Variants in PTPRB observed in about 807,000 individuals in gnomAD.
PTPRB encodes the protein protein tyrosine phosphatase receptor type B, also known as receptor-type tyrosine-protein phosphatase beta.
In PTPRB, 97 loss-of-function variants were observed where a neutral mutation model predicts 238.1. The observed-to-expected ratio is 0.41, with a 90% CI of 0.35 to 0.48. PTPRB has a LOEUF of 0.48. PTPRB is among the 20% of genes least tolerant of loss of function. The pLI, the probability that PTPRB is intolerant of heterozygous loss-of-function variation, is 0.30. For synonymous variants in PTPRB, 970 were observed against 995.4 expected, an observed-to-expected ratio of 0.97 and a Z score of 0.48; for missense variants, 2,292 against 2,681.9, an observed-to-expected ratio of 0.85 and a Z score of 3.21.
Position 70,600,049 on chromosome 12 carries a change from CTTAA to C in PTPRB, c.980-3726_980-3723del, listed in dbSNP as rs907586746. ...TTTATAGCACAAATGATATTTGCTT[CTTAA>C]TTGTTTTTGTGACAGCATGGTCATT... On this transcript the variant is annotated intron_variant, in intron 4 of 33. Transcript: ENST00000334414. 7.3e-5 allele frequency among the ~76,000 whole-genome samples: 11 copies of C among 149,834 alleles called. No homozygotes were observed. The South Asian group carries it at 1.5e-3, about 20-fold the overall frequency.
intron 4 of PTPRB, among the ~76,000 whole-genome samples, chr12:70,600,211 T>C (rs1158863380): frequency 1.3e-5 from 2 of 152,288 alleles, no homozygotes; most frequent in Non-Finnish European, 1.5e-5. Flanking sequence ...CAAAAGCTTT[T>C]CTTAAAGGCA....
At chr12:70,554,168 T>C (rs930030776) in intron 20 of PTPRB, among the ~76,000 whole-genome samples, 1 of 152,230 alleles carries the variant, frequency 6.6e-6, no homozygotes, top group Non-Finnish European at 1.5e-5. Context: ...TACAATTAAA[T>C]AAACTGTGAA....
Position 70,576,567 on chromosome 12 carries a change from G to T in PTPRB, c.2657C>A (p.Pro886His), listed in dbSNP as rs200720766. The change falls in exon 11 of 34, where the codon CCC becomes CAC. Residue 886 changes from proline to histidine, a missense_variant. Around this residue, in one of 4 missense-constraint regions of PTPRB, gnomAD observed 1,205 missense variants for 1,287.8 expected, o/e 0.94. Transcript: ENST00000334414. The part of the protein sequence containing the change: ...DYLSVSWLLA[P>H]GDVDNYEVTL... ...TACCTCATAGTTATCCACATCTCCG[G>T]GCGCCAGCAGCCAGGAAACGCTGAG... is the stretch of plus-strand genomic sequence containing the variant. 83 of 1,551,772 alleles carry T rather than the reference G, an allele frequency of 5.3e-5. No individual in the cohort carries two copies. The African/African-American group carries it at 1.0e-3, about 20-fold the overall frequency.
At position 70,555,219 on chromosome 12, in the gene PTPRB, C is replaced by A. The variant is rs1461011254; in HGVS notation, c.5084G>T (p.Trp1695Leu). The change falls in exon 20 of 34, where the codon TGG becomes TTG. Residue 1695 changes from tryptophan (W) to leucine (L), a missense_variant. By Grantham distance (61) the Trp-to-Leu change is moderately conservative. Around this residue, in one of 4 missense-constraint regions of PTPRB, gnomAD observed 683 missense variants for 862.0 expected, o/e 0.79. Coordinates refer to ENST00000334414, the MANE Select transcript of PTPRB (RefSeq NM_001109754.4). ...SSINFTVNCS[W>L]FSDTNGAVKY... is the part of the protein sequence containing the mutation. ...CACAGCTCCATTGGTGTCGCTGAAC[C>A]AGCTGCAGTTGACAGTAAAGTTGAT... The A allele has an allele frequency of 6.2e-7, 1 of 1,613,766 alleles. No individual in the cohort carries two copies. Among genetic ancestry groups the A allele is most frequent in the African/African-American group, 1.3e-5 (1 of 74,888 alleles).
In PTPRB at chr12:70,576,671, G is replaced by GTGGGGGT. The variant is rs769938566; in HGVS notation, c.2579-27_2579-26insACCCCCA. The GTGGGGGT allele has an allele frequency of 1.1e-4, 26 of 243,886 alleles. 1 individual carries two copies. The highest frequency in any genetic ancestry group is 1.7e-4 in the Non-Finnish European group (22 of 131,072). 15.1% of individuals were successfully genotyped at this position (243,886 alleles called of 1,614,324 possible). A position where few individuals can be genotyped will look rare whatever the true frequency, so the allele number is the denominator to read the frequency against. On this transcript the variant is annotated intron_variant, in intron 10 of 33. Transcript: ENST00000334414. ...CTGTGATTTTGAAAGGTGGGGGGCG[G>GTGGGGGT]GGGGGGGGGGGAAGGGGGATTCAAA... is the stretch of plus-strand genomic sequence containing the variant.
chr12:70,535,294 C>A (rs1873950350), intron 29 of PTPRB, among the ~76,000 whole-genome samples: 1 of 135,884 alleles, frequency 7.4e-6, no homozygotes, highest in African/African-American at 2.7e-5. Context: ...CTGTGGTTCA[C>A]AACGTATTGT....
rs368772614 is a variant in PTPRB at position 70,606,143 on chromosome 12, T to G, written c.979+2926A>C. Among the ~76,000 whole-genome samples the G allele has an allele frequency of 2.1e-3, 316 of 152,290 alleles. 3 individuals carry two copies. The highest frequency in any genetic ancestry group is 3.4e-3 in the Non-Finnish European group (228 of 68,018). On this transcript the variant is annotated intron_variant, in intron 4 of 33. Coordinates refer to ENST00000334414, the MANE Select transcript of PTPRB (RefSeq NM_001109754.4). ...CAGAAAAGATGAGATAAAGCTCTGT[T>G]GCCACTTTCATCATAACCGTCTCTC...
chr12:70,591,471 G>A (rs975141505), intron 7 of PTPRB, among the ~76,000 whole-genome samples: 1 of 152,100 alleles, frequency 6.6e-6, no homozygotes, highest in Non-Finnish European at 1.5e-5. Context: ...TCACAGTTTT[G>A]TTGTGAGAAC....
At chr12:70,545,385 A>T (rs1875806977) in intron 21 of PTPRB, among the ~76,000 whole-genome samples, 1 of 152,196 alleles carries the variant, frequency 6.6e-6, no homozygotes, top group Non-Finnish European at 1.5e-5. Context: ...TCTAAAGATC[A>T]TTTTATCTAA....
In PTPRB at chr12:70,520,260, T is replaced by C. The variant is rs752842244; in HGVS notation, c.*1229A>G. ...CTTTCTGACTCATTGGAATTTGTTA[T>C]AGTCAAAGTAAGTAAGGCACAAATA... On this transcript the variant is annotated 3_prime_UTR_variant, in exon 34 of 34. Coordinates refer to ENST00000334414, the MANE Select transcript of PTPRB (RefSeq NM_001109754.4). The C allele has an allele frequency of 4.3e-6, 2 of 460,906 alleles. No individual in the cohort carries two copies. Among genetic ancestry groups the C allele is most frequent in the East Asian group, 6.5e-5 (1 of 15,440 alleles). The allele number at this position is 460,906 out of a possible 1,614,324, so 28.6% of individuals were successfully genotyped here. A position where few individuals can be genotyped will look rare whatever the true frequency, so the allele number is the denominator to read the frequency against.
At chr12:70,633,572 G>A (rs954411538) in intron 2 of PTPRB, among the ~76,000 whole-genome samples, 1 of 152,176 alleles carries the variant, frequency 6.6e-6, no homozygotes, top group Non-Finnish European at 1.5e-5. Flanking sequence ...ATACTTATGT[G>A]TACTCAAATA....
chr12:70,548,069 G>A (rs1289939859), intron 21 of PTPRB, among the ~76,000 whole-genome samples: 1 of 151,998 alleles, frequency 6.6e-6, no homozygotes, highest in East Asian at 1.9e-4. Context: ...GCTCATGCCT[G>A]TAATTCCAGC....
chr12:70,594,716 G>C lies in PTPRB; in HGVS notation c.1267C>G (p.Pro423Ala), dbSNP rs769301999. Residue 423 changes from proline (P) to alanine (A), a missense_variant, in exon 6 of 34, where the codon CCA becomes GCA. This residue lies in a region of PTPRB where 1,205 missense variants were observed against 1,287.8 expected (regional missense o/e 0.94). Transcript: ENST00000334414. ...VYTNGSTVPSPVKDIGISTKA... is the reference protein window; with the variant it reads ...VYTNGSTVPSAVKDIGISTKA... ...GTGGAAATACCAATATCTTTCACTG[G>C]AGATGGCACTAGTGGGATAAAATGC... 1.2e-6 allele frequency: 2 copies of C among 1,613,786 alleles called. No individual in the cohort carries two copies. The highest frequency in any genetic ancestry group is 1.1e-5 in the South Asian group (1 of 91,076).
At chr12:70,634,579 T>C (rs1885598438) in intron 2 of PTPRB, among the ~76,000 whole-genome samples, 1 of 152,176 alleles carries the variant, frequency 6.6e-6, no homozygotes. Flanking sequence ...CAGGATGCAT[T>C]AGCTACGGGA....
intron 2 of PTPRB, among the ~76,000 whole-genome samples, chr12:70,631,320 C>G (rs1465532651): frequency 6.6e-6 from 1 of 152,120 alleles, no homozygotes; most frequent in Non-Finnish European, 1.5e-5. Context: ...CAAAAACAAG[C>G]AATGGGGAAA....
chr12:70,551,468 C>CT (rs1876870212), intron 21 of PTPRB, among the ~76,000 whole-genome samples: 2 of 152,074 alleles, frequency 1.3e-5, no homozygotes, highest in Non-Finnish European at 2.9e-5. Flanking sequence ...ATCTGTCTGA[C>CT]TTTTTTGATG....
At chr12:70,529,562 A>G (rs563008133) in intron 32 of PTPRB, among the ~76,000 whole-genome samples, 8 of 152,318 alleles carry the variant, frequency 5.3e-5, no homozygotes, top group African/African-American at 1.9e-4. Context: ...AATATTGAGG[A>G]TATAGAAGAG....
intron 11 of PTPRB, among the ~76,000 whole-genome samples, chr12:70,573,070 C>A (rs1880274847): frequency 6.6e-6 from 1 of 151,996 alleles, no homozygotes; most frequent in Non-Finnish European, 1.5e-5. Context: ...TTCCTTAACT[C>A]AAAACACAAA....
intron 2 of PTPRB, among the ~76,000 whole-genome samples, chr12:70,629,669 A>T (rs1399551400): frequency 6.6e-6 from 1 of 152,220 alleles, no homozygotes; most frequent in African/African-American, 2.4e-5. Flanking sequence ...TGTTATTTTG[A>T]AAACATCAAC....
Sources: gnomAD v4.1 joint callset for allele counts (sites outside exome capture counted in the v4.1 genomes callset) on GRCh38, gnomAD v4.1.1 for gene constraint, gnomAD v4.1.1 regional missense constraint, MANE v1.5 for transcripts, NCBI Gene and HGNC (gene_info 2026-07-23, HGNC 2026-07-21) for gene names.